EPHA6: variants seen among roughly 807,000 people sequenced by gnomAD.
EPHA6 encodes the protein ephrin type-A receptor 6.
In EPHA6, 50 loss-of-function variants were observed where a neutral mutation model predicts 112.0. That is an observed-to-expected ratio of 0.45 (90% confidence interval 0.36 to 0.56). The LOEUF is 0.56. Ranked by LOEUF, EPHA6 falls within the 20% of genes least tolerant of loss-of-function variation. EPHA6 has a pLI of 0.00. For missense variants in EPHA6, 1,280 were observed against 1,417.4 expected, an observed-to-expected ratio of 0.90 and a Z score of 1.56; for synonymous variants, 529 against 490.7, an observed-to-expected ratio of 1.08 and a Z score of -1.03.
At chr3:97,399,078 T>C (rs2086844185) in intron 5 of EPHA6, among the ~76,000 whole-genome samples, 1 of 151,512 alleles carries the variant, frequency 6.6e-6, no homozygotes, top group African/African-American at 2.4e-5. Flanking sequence ...TTGGTATTGT[T>C]TAGCTAACTT....
chr3:97,327,683 C>G (rs1038208713), intron 5 of EPHA6, among the ~76,000 whole-genome samples: 4 of 151,888 alleles, frequency 2.6e-5, no homozygotes, highest in African/African-American at 9.6e-5. Context: ...ATTTCTAAAA[C>G]TTTATCATGT....
chr3:96,939,657 G>A (rs899121727), intron 2 of EPHA6, among the ~76,000 whole-genome samples: 2 of 152,140 alleles, frequency 1.3e-5, no homozygotes, highest in African/African-American at 4.8e-5. Context: ...TTTTGAATGT[G>A]TTTGCTCTTG....
chr3:97,619,642 A>G (rs1292975898), intron 13 of EPHA6, among the ~76,000 whole-genome samples: 1 of 152,118 alleles, frequency 6.6e-6, no homozygotes, highest in Admixed American at 6.6e-5. Flanking sequence ...CCAATAGCCA[A>G]ATCACAAAGG....
chr3:97,249,391 A>G (rs779008728), intron 5 of EPHA6, among the ~76,000 whole-genome samples: 4 of 152,200 alleles, frequency 2.6e-5, no homozygotes, highest in Non-Finnish European at 5.9e-5. Flanking sequence ...GCAGCCAAAT[A>G]TTAAATTATA....
intron 1 of EPHA6, among the ~76,000 whole-genome samples, chr3:96,839,724 G>A (rs1181565528): frequency 3.3e-5 from 5 of 152,104 alleles, no homozygotes; most frequent in African/African-American, 1.2e-4. Context: ...GTGAAAAAAA[G>A]ATTTCTGAGA....
chr3:97,757,003 C>T lies in EPHA6; in HGVS notation c.*8302C>T, dbSNP rs998848717. 2.0e-5 allele frequency among the ~76,000 whole-genome samples: 3 copies of T among 151,716 alleles called. No individual in the cohort carries two copies. The highest frequency in any genetic ancestry group is 4.4e-5 in the Non-Finnish European group (3 of 67,728). On this transcript the variant is annotated 3_prime_UTR_variant, in exon 18 of 18. Coordinates refer to ENST00000389672, the MANE Select transcript of EPHA6 (RefSeq NM_001080448.3). ...TGAATTTTGAAGGAATAATTTTTAA[C>T]AGTCTTTGTTTCTTAAAATGTTAAT...
At chr3:97,007,321 C>T (rs1392601188) in intron 3 of EPHA6, among the ~76,000 whole-genome samples, 1 of 152,086 alleles carries the variant, frequency 6.6e-6, no homozygotes, top group Non-Finnish European at 1.5e-5. Context: ...GAATAGTTAG[C>T]TCTTCTTGTT....
rs1303231771 is a variant in EPHA6, at chr3:97,752,761, G to A, written c.*4060G>A. Among the ~76,000 whole-genome samples the A allele has an allele frequency of 6.6e-6, 1 of 151,900 alleles. No homozygotes were observed. Among genetic ancestry groups the A allele is most frequent in the Non-Finnish European group, 1.5e-5 (1 of 67,922 alleles). ...TGGATGATGATGATCCTTTTTAATT[G>A]CTTTAACTAAGGAAGTTTATTATTA... On this transcript the variant is annotated 3_prime_UTR_variant, in exon 18 of 18. Transcript: ENST00000389672.
intron 13 of EPHA6, among the ~76,000 whole-genome samples, chr3:97,629,709 A>G (rs1332957748): frequency 2.0e-5 from 3 of 151,958 alleles, no homozygotes; most frequent in Non-Finnish European, 2.9e-5. Context: ...TACAGAACTG[A>G]ATATTAAACC....
At chr3:97,670,399 G>A (rs1013643566) in intron 14 of EPHA6, among the ~76,000 whole-genome samples, 16 of 152,126 alleles carry the variant, frequency 1.1e-4, no homozygotes, top group East Asian at 7.7e-4. Context: ...ATATTTGCCC[G>A]TCTCTAGTAC....
At chr3:96,826,199 C>T (rs1267430986) in intron 1 of EPHA6, among the ~76,000 whole-genome samples, 1 of 151,906 alleles carries the variant, frequency 6.6e-6, no homozygotes, top group Non-Finnish European at 1.5e-5. Context: ...GATGTGTTTT[C>T]TCTGATAGTA....
intron 2 of EPHA6, among the ~76,000 whole-genome samples, chr3:96,911,881 A>T (rs2039233862): frequency 6.6e-6 from 1 of 151,976 alleles, no homozygotes; most frequent in Admixed American, 6.6e-5. Flanking sequence ...CACATTTTTG[A>T]TACTATTTTT....
rs1357719325 is a variant in EPHA6, at chr3:97,721,933, C to T, written c.2934+1523C>T. Among the ~76,000 whole-genome samples, 5 of 152,124 alleles carry T rather than the reference C, an allele frequency of 3.3e-5. No homozygotes were observed. The East Asian group carries it at 9.6e-4, about 29-fold the overall frequency. ...CCAGTTACCTTAGGTAGTAAAAGCC[C>T]TGGTTTCAGTCACCATAATTCCTCT... On this transcript the variant is annotated intron_variant, in intron 15 of 17. Transcript: ENST00000389672.
rs534069972 is a variant in EPHA6, at chr3:97,051,060, A to G, written c.1114+63067A>G. Reference sequence around the variant, plus strand: ...TAAGTTTACCCAGGAAACATGTCCAATGATAATATTTTAGACAGGCTTGTC... The same window carrying G: ...TAAGTTTACCCAGGAAACATGTCCAGTGATAATATTTTAGACAGGCTTGTC... On this transcript the variant is annotated intron_variant, in intron 3 of 17. Coordinates refer to ENST00000389672, the MANE Select transcript of EPHA6 (RefSeq NM_001080448.3). Among the ~76,000 whole-genome samples the G allele has an allele frequency of 3.3e-5, 5 of 152,312 alleles. No homozygotes were observed. In the East Asian group the frequency reaches 5.8e-4, roughly 18 times the overall value.
chr3:97,197,495 C>T (rs77968504), intron 3 of EPHA6, among the ~76,000 whole-genome samples: 1,672 of 151,922 alleles, frequency 0.011, 24 homozygotes, highest in African/African-American at 0.037. Flanking sequence ...GGAATGGGTG[C>T]CTCAGGACTC....
At chr3:96,854,606 G>T (rs1463016222) in intron 1 of EPHA6, among the ~76,000 whole-genome samples, 1 of 151,990 alleles carries the variant, frequency 6.6e-6, no homozygotes, top group Non-Finnish European at 1.5e-5. Context: ...TTTTATATAT[G>T]TATATGTGTG....
chr3:97,716,671 T>C lies in EPHA6; in HGVS notation c.2785-3590T>C, dbSNP rs182896170. ...ACTATGCAGTGCCTGAAGGACTTCT[T>C]CCTTTCTGCCTCATCTTGCAATTAG... is the stretch of plus-strand genomic sequence containing the variant. On this transcript the variant is annotated intron_variant, in intron 14 of 17. Coordinates refer to ENST00000389672, the MANE Select transcript of EPHA6 (RefSeq NM_001080448.3). Among the ~76,000 whole-genome samples, 128 of 152,220 alleles carry C rather than the reference T, an allele frequency of 8.4e-4. 2 individuals are homozygous for C. In the East Asian group the frequency reaches 0.015, roughly 18 times the overall value.
Position 96,904,710 on chromosome 3 carries a change from A to G in EPHA6, c.450+37821A>G, listed in dbSNP as rs532838357. ...ACAACTCTTTTGATGTAGGTAGTCT[A>G]TGGACTTCTCTTTGAAAAACATTGT... On this transcript the variant is annotated intron_variant, in intron 2 of 17. Transcript: ENST00000389672. Among the ~76,000 whole-genome samples, 144 of 152,202 alleles carry G rather than the reference A, an allele frequency of 9.5e-4. 1 individual carries two copies. Among genetic ancestry groups the G allele is most frequent in the African/African-American group, 2.8e-3 (118 of 41,534 alleles).
intron 15 of EPHA6, among the ~76,000 whole-genome samples, chr3:97,734,517 C>G (rs1175640000): frequency 6.6e-6 from 1 of 151,940 alleles, no homozygotes; most frequent in Non-Finnish European, 1.5e-5. Context: ...CTAAAGTGGT[C>G]TGGTCAAAAA....
Sources: gnomAD v4.1 joint callset for allele counts (sites outside exome capture counted in the v4.1 genomes callset) on GRCh38, gnomAD v4.1.1 for gene constraint, MANE v1.5 for transcripts, NCBI Gene and HGNC (gene_info 2026-07-23, HGNC 2026-07-21) for gene names.